SENP7: variants seen among roughly 807,000 people sequenced by gnomAD.
SENP7 encodes the protein sentrin-specific protease 7.
Under a neutral mutation model 141.2 loss-of-function variants are expected in SENP7, and 64 were observed. The observed-to-expected ratio is 0.45, with a 90% CI of 0.37 to 0.56. The LOEUF (loss-of-function observed/expected upper bound fraction) is 0.56, where lower values mean the gene tolerates loss of function less well. Ranked by LOEUF, SENP7 falls within the 20% of genes least tolerant of loss-of-function variation. The pLI, the probability that SENP7 is intolerant of heterozygous loss-of-function variation, is 0.00. For missense variants in SENP7, 1,025 were observed against 1,212.2 expected (o/e 0.85, Z 2.29); for synonymous variants, 382 against 426.4 (o/e 0.90, Z 1.28).
At chr3:101,445,710 T>C (rs1182301021) in intron 4 of SENP7, among the ~76,000 whole-genome samples, 2 of 151,660 alleles carry the variant, frequency 1.3e-5, no homozygotes, top group Non-Finnish European at 2.9e-5. Context: ...ATCACACAAA[T>C]GAAAACAAAA....
intron 3 of SENP7, among the ~76,000 whole-genome samples, chr3:101,471,571 C>T (rs1227919976): frequency 2.0e-5 from 3 of 152,170 alleles, no homozygotes; most frequent in Non-Finnish European, 2.9e-5. Flanking sequence ...CTAGGGAATA[C>T]CATTCAGGAT....
chr3:101,446,422 C>G (rs972113647), intron 4 of SENP7, among the ~76,000 whole-genome samples: 2 of 152,214 alleles, frequency 1.3e-5, no homozygotes, highest in Non-Finnish European at 2.9e-5. Context: ...ATAGACCTAA[C>G]AGACATTTAC....
chr3:101,422,820 A>G (rs2061830644), intron 4 of SENP7, among the ~76,000 whole-genome samples: 1 of 152,042 alleles, frequency 6.6e-6, no homozygotes, highest in African/African-American at 2.4e-5. Flanking sequence ...ATCACAGCAG[A>G]AAAAAAATAA....
At chr3:101,454,652 C>A (rs2063288926) in intron 4 of SENP7, among the ~76,000 whole-genome samples, 1 of 152,048 alleles carries the variant, frequency 6.6e-6, no homozygotes, top group Non-Finnish European at 1.5e-5. Context: ...TGAATAAACA[C>A]AATGTGGTAT....
chr3:101,510,547 T>C (rs2065807997), intron 1 of SENP7, among the ~76,000 whole-genome samples: 1 of 152,156 alleles, frequency 6.6e-6, no homozygotes, highest in Non-Finnish European at 1.5e-5. Flanking sequence ...TAGGAAACTT[T>C]GATGACTATA....
rs1359958381 is a variant in SENP7, at chr3:101,325,190, T to C, written c.*753A>G. On this transcript the variant is annotated 3_prime_UTR_variant, in exon 24 of 24. Transcript: ENST00000394095. ...TAGCAGTACCTCAAGTTGAGCTACA[T>C]GTATAATTTTTAAAAAACTATTTTG... is the stretch of plus-strand genomic sequence containing the variant. 6.6e-6 allele frequency: 1 copy of C among 152,062 alleles called. No homozygotes were observed. The highest frequency in any genetic ancestry group is 1.9e-4 in the East Asian group (1 of 5,198). 9.4% of individuals were successfully genotyped at this position (152,062 alleles called of 1,614,324 possible).
chr3:101,485,888 T>G (rs1232361462), intron 3 of SENP7, among the ~76,000 whole-genome samples: 1 of 152,040 alleles, frequency 6.6e-6, no homozygotes, highest in African/African-American at 2.4e-5. Flanking sequence ...GGGAGAAATA[T>G]TCAAGGAAAT....
intron 4 of SENP7, among the ~76,000 whole-genome samples, chr3:101,437,938 A>C (rs1482754736): frequency 1.3e-5 from 2 of 152,094 alleles, no homozygotes; most frequent in Non-Finnish European, 2.9e-5. Context: ...AAAAAAAAAA[A>C]ACAGAAAGTA....
At chr3:101,471,594 A>G (rs113565055) in intron 3 of SENP7, among the ~76,000 whole-genome samples, 1,705 of 152,346 alleles carry the variant, frequency 0.011, 31 homozygotes, top group African/African-American at 0.038. Context: ...AGGCATAGGC[A>G]AGAACTTCAT....
rs186138574 is a variant in SENP7 at position 101,400,783 on chromosome 3, G to A, written c.483-1728C>T. Reference sequence around the variant, plus strand: ...ATTCACGTGAAAGGAAGAGTCTCAAGTTTCTCACTTTAAATCAAAAGCTAG... The same window carrying A: ...ATTCACGTGAAAGGAAGAGTCTCAAATTTCTCACTTTAAATCAAAAGCTAG... On this transcript the variant is annotated intron_variant, in intron 5 of 23. Coordinates refer to ENST00000394095, the MANE Select transcript of SENP7 (RefSeq NM_020654.5). Among the ~76,000 whole-genome samples, 214 of 152,020 alleles carry A rather than the reference G, an allele frequency of 1.4e-3. 1 individual carries two copies. The highest frequency in any genetic ancestry group is 2.5e-3 in the Non-Finnish European group (169 of 67,988).
intron 19 of SENP7, among the ~76,000 whole-genome samples, chr3:101,331,660 A>G (rs750431110): frequency 3.5e-4 from 54 of 152,196 alleles, no homozygotes; most frequent in Non-Finnish European, 6.2e-4. Flanking sequence ...GGAGATTATT[A>G]TTATATCAGA....
At chr3:101,353,426 T>C (rs961199149) in intron 11 of SENP7, among the ~76,000 whole-genome samples, 2 of 151,960 alleles carry the variant, frequency 1.3e-5, no homozygotes, top group African/African-American at 2.4e-5. Flanking sequence ...TTGGCAAGGA[T>C]CTGATATTCA....
chr3:101,349,874 C>A (rs538920423), intron 12 of SENP7, among the ~76,000 whole-genome samples: 1 of 152,024 alleles, frequency 6.6e-6, no homozygotes, highest in Non-Finnish European at 1.5e-5. Context: ...GTAACAGAAC[C>A]CTAATTTTAC....
chr3:101,451,414 AAG>A lies in SENP7; in HGVS notation c.284+7539_284+7540del, dbSNP rs904661313. On this transcript the variant is annotated intron_variant, in intron 4 of 23. Coordinates refer to ENST00000394095, the MANE Select transcript of SENP7 (RefSeq NM_020654.5). ...CAAAGCCTGGCAGAGACAACAAAAA[AAG>A]AGAATTTTAGACCAATAGCCCTGAT... Among the ~76,000 whole-genome samples the A allele has an allele frequency of 2.6e-5, 4 of 152,362 alleles. 1 individual carries two copies. Among genetic ancestry groups the A allele is most frequent in the African/African-American group, 9.6e-5 (4 of 41,590 alleles).
At chr3:101,421,244 A>G (rs1226623710) in intron 4 of SENP7, among the ~76,000 whole-genome samples, 1 of 152,166 alleles carries the variant, frequency 6.6e-6, no homozygotes, top group Non-Finnish European at 1.5e-5. Flanking sequence ...ATATATGTAT[A>G]TATGTGATGC....
At chr3:101,340,073 G>T in intron 16 of SENP7, 22 bp downstream of exon 16, 1 of 1,535,940 alleles carries the variant, frequency 6.5e-7, no homozygotes, top group Non-Finnish European at 8.7e-7. Context: ...AAATATGTAG[G>T]ATCATTTATC....
chr3:101,332,209 T>G (rs1264426644), intron 18 of SENP7, 100 bp from the exon 19 acceptor site: 25 of 1,221,478 alleles, frequency 2.0e-5, no homozygotes, highest in Non-Finnish European at 2.6e-5. Flanking sequence ...AATTTCATAT[T>G]AATTTTGAAG....
chr3:101,376,803 A>G (rs2060349085), intron 6 of SENP7, among the ~76,000 whole-genome samples: 1 of 149,238 alleles, frequency 6.7e-6, no homozygotes, highest in Admixed American at 6.7e-5. Context: ...ATGCAAAAAG[A>G]AAAAAAAACA....
intron 5 of SENP7, 33 bp from the exon 6 acceptor site, chr3:101,399,088 C>A: frequency 7.4e-7 from 1 of 1,352,724 alleles, no homozygotes; most frequent in South Asian, 1.8e-5. Flanking sequence ...CTGTACTGTA[C>A]TGAAGTTTTC....
Sources: allele counts gnomAD v4.1 joint callset (sites outside exome capture counted in the v4.1 genomes callset), GRCh38; gene constraint gnomAD v4.1.1; transcripts MANE v1.5; gene names NCBI Gene and HGNC (gene_info 2026-07-23, HGNC 2026-07-21).